NIBAN1: variants seen among roughly 807,000 people sequenced by gnomAD.
NIBAN1 encodes protein Niban 1.
NIBAN1 carries 81 observed loss-of-function variants against 75.1 expected under a neutral mutation model. The observed-to-expected ratio is 1.08, with a 90% CI of 0.90 to 1.30. NIBAN1 has a LOEUF of 1.30. NIBAN1 is among the 50% of genes most tolerant of loss of function. The probability of loss-of-function intolerance (pLI) is 0.00; values close to 1 mark genes in which losing one functional copy is unlikely to be tolerated. For missense variants in NIBAN1, 1,133 were observed against 1,128.1 expected, an observed-to-expected ratio of 1.00 and a Z score of -0.06; for synonymous variants, 436 against 424.8, an observed-to-expected ratio of 1.03 and a Z score of -0.32.
chr1:184,942,671 G>A (rs1480843806), intron 1 of NIBAN1, among the ~76,000 whole-genome samples: 1 of 148,950 alleles, frequency 6.7e-6, no homozygotes, highest in East Asian at 2.0e-4. Flanking sequence ...TCCGGCCTGG[G>A]CGACAGAGCG....
chr1:184,806,762 CTT>C lies in NIBAN1; in HGVS notation c.1336-708_1336-707del, dbSNP rs397863517. Among the ~76,000 whole-genome samples, 170 of 131,174 alleles carry C rather than the reference CTT, an allele frequency of 1.3e-3. 1 individual carries two copies. In the East Asian group the frequency reaches 0.02, roughly 15 times the overall value. The allele number at this position is 131,174 out of a possible 152,430, so 86.1% of individuals were successfully genotyped here. ...TGGTCCCAAAGCATCCAATATATAC[CTT>C]TTTTTTTTTTTTTTTTTTTGAGACA... is the stretch of plus-strand genomic sequence containing the variant. On this transcript the variant is annotated intron_variant, in intron 10 of 13. Transcript: ENST00000367511.
intron 5 of NIBAN1, among the ~76,000 whole-genome samples, chr1:184,872,504 G>A (rs1042481980): frequency 3.9e-5 from 6 of 152,206 alleles, no homozygotes; most frequent in Middle Eastern, 3.4e-3. Flanking sequence ...TTAGGAGTTC[G>A]AGACCAGCCT....
At chr1:184,900,063 G>A (rs529476764) in intron 1 of NIBAN1, among the ~76,000 whole-genome samples, 14 of 152,080 alleles carry the variant, frequency 9.2e-5, no homozygotes, top group South Asian at 4.1e-4. Context: ...TGATCTGCCC[G>A]CCTCGGCCTC....
At position 184,862,219 on chromosome 1, in the gene NIBAN1, C is replaced by T. The variant is rs377133574; in HGVS notation, c.601+22414G>A. Reference sequence around the variant, plus strand: ...GCCCGGTTAACAGCAGCCACTGTCCCGTGATGGAAGTGGCTAGCTAACACT... The same window carrying T: ...GCCCGGTTAACAGCAGCCACTGTCCTGTGATGGAAGTGGCTAGCTAACACT... On this transcript the variant is annotated intron_variant, in intron 5 of 13. Coordinates refer to ENST00000367511, the MANE Select transcript of NIBAN1 (RefSeq NM_052966.4). Among the ~76,000 whole-genome samples the T allele has an allele frequency of 3.9e-5, 6 of 152,276 alleles. No homozygotes were observed. In the South Asian group the frequency reaches 1.0e-3, roughly 26 times the overall value.
rs1654188564 is a variant in NIBAN1, at chr1:184,806,045, A to G, written c.1347T>C (p.Asn449=). 6.2e-7 allele frequency: 1 copy of G among 1,613,738 alleles called. No individual in the cohort carries two copies. The highest frequency in any genetic ancestry group is 1.1e-5 in the South Asian group (1 of 91,080). Residue 449 remains asparagine, a synonymous_variant, in exon 11 of 14, where the codon AAT becomes AAC. Transcript: ENST00000367511. ...TQNYMQELME[N]AVFTFEQLLS... ...GCAACTGCTCAAAAGTGAACACTGC[A>G]TTCTCCATTAGCTAGAAACCAGAAG... is the stretch of plus-strand genomic sequence containing the variant.
intron 12 of NIBAN1, among the ~76,000 whole-genome samples, chr1:184,802,137 A>T (rs1654062575): frequency 6.6e-6 from 1 of 152,212 alleles, no homozygotes. Flanking sequence ...TAATCCCCTC[A>T]TTCATCTATT....
At position 184,791,248 on chromosome 1, in the gene NIBAN1, T is replaced by G. The variant is rs1653688904; in HGVS notation, c.*3729A>C. 3.5e-6 allele frequency: 1 copy of G among 289,244 alleles called. No homozygotes were observed. The highest frequency in any genetic ancestry group is 3.0e-5 in the South Asian group (1 of 33,692). The allele number at this position is 289,244 out of a possible 1,614,324, so 17.9% of individuals were successfully genotyped here. ...ACATGTTGCCAACTGTTGCACCGAC[T>G]GATACTATTATTAAGTCAATGATGT... On this transcript the variant is annotated 3_prime_UTR_variant, in exon 14 of 14. Transcript: ENST00000367511.
intron 9 of NIBAN1, among the ~76,000 whole-genome samples, chr1:184,817,738 C>T (rs1654578882): frequency 6.6e-6 from 1 of 152,140 alleles, no homozygotes; most frequent in Non-Finnish European, 1.5e-5. Flanking sequence ...CTAACTATGG[C>T]CTAAGAAGGA....
chr1:184,887,082 C>A (rs900346012), intron 4 of NIBAN1, among the ~76,000 whole-genome samples: 4 of 152,162 alleles, frequency 2.6e-5, no homozygotes, highest in African/African-American at 9.7e-5. Flanking sequence ...GATCATGCCA[C>A]TGCACTCCAG....
intron 1 of NIBAN1, among the ~76,000 whole-genome samples, chr1:184,914,137 C>CTT (rs1657319407): frequency 6.6e-6 from 1 of 152,334 alleles, no homozygotes; most frequent in African/African-American, 2.4e-5. Flanking sequence ...CAAAGCTGGA[C>CTT]TTACAGTGGC....
At chr1:184,884,215 C>CTTTTTTT in intron 5 of NIBAN1, among the ~76,000 whole-genome samples, 1 of 66,800 alleles carries the variant, frequency 1.5e-5, no homozygotes, top group Non-Finnish European at 2.6e-5. Flanking sequence ...ATCTGTGGCT[C>CTTTTTTT]TTTTTTTTTT....
At position 184,794,990 on chromosome 1, in the gene NIBAN1, G is replaced by A. The variant is rs1571462626; in HGVS notation, c.2774C>T (p.Pro925Leu). The change falls in exon 14 of 14, where the codon CCC becomes CTC. Residue 925 changes from proline (P) to leucine (L), a missense_variant. Coordinates refer to ENST00000367511, the MANE Select transcript of NIBAN1 (RefSeq NM_052966.4). ...AAATTGTCCCTTTCACTCCTCTGAG[G>A]GCAGCTCTGGGAAACTCTCCTGACC... ...EGGQESFPEL[P>L]SEE 2 of 1,610,324 alleles carry A rather than the reference G, an allele frequency of 1.2e-6. No individual in the cohort carries two copies. The highest frequency in any genetic ancestry group is 2.2e-5 in the South Asian group (2 of 91,086).
At chr1:184,908,445 A>T (rs1362908896) in intron 1 of NIBAN1, among the ~76,000 whole-genome samples, 1 of 152,210 alleles carries the variant, frequency 6.6e-6, no homozygotes, top group Non-Finnish European at 1.5e-5. Context: ...CAGAGAGGAA[A>T]AAACACACTA....
At chr1:184,907,432 G>A (rs1190647132) in intron 1 of NIBAN1, among the ~76,000 whole-genome samples, 1 of 152,084 alleles carries the variant, frequency 6.6e-6, no homozygotes, top group Non-Finnish European at 1.5e-5. Context: ...TGAGAAATAA[G>A]ACAAATGGTT....
At chr1:184,875,489 C>T (rs1269601356) in intron 5 of NIBAN1, among the ~76,000 whole-genome samples, 2 of 152,136 alleles carry the variant, frequency 1.3e-5, no homozygotes, top group Admixed American at 6.5e-5. Flanking sequence ...TCCAGAGGGA[C>T]GCTCATGTAT....
chr1:184,911,750 G>A (rs1417220010), intron 1 of NIBAN1, among the ~76,000 whole-genome samples: 1 of 152,138 alleles, frequency 6.6e-6, no homozygotes, highest in African/African-American at 2.4e-5. Context: ...AACTTTATAT[G>A]AGCCAAGAGA....
chr1:184,961,838 T>C (rs1398243510), intron 1 of NIBAN1, among the ~76,000 whole-genome samples: 3 of 152,256 alleles, frequency 2.0e-5, no homozygotes, highest in African/African-American at 7.2e-5. Context: ...ACTCAAAGAA[T>C]AGACAGATCT....
At chr1:184,920,948 G>A (rs147325353) in intron 1 of NIBAN1, among the ~76,000 whole-genome samples, 1 of 152,200 alleles carries the variant, frequency 6.6e-6, no homozygotes, top group Non-Finnish European at 1.5e-5. Context: ...TGACCAGCAT[G>A]GTGAAACCCC....
chr1:184,831,990 CAAGATAAAACACTCT>C, intron 5 of NIBAN1, 28 bp from the exon 6 acceptor site: 3 of 1,510,286 alleles, frequency 2.0e-6, no homozygotes, highest in Non-Finnish European at 2.8e-6. Context: ...GGGCATTCAG[CAAGATAAAACACTCT>C]AGATTTCCCC....
Sources: gnomAD v4.1 joint callset for allele counts (sites outside exome capture counted in the v4.1 genomes callset) on GRCh38, gnomAD v4.1.1 for gene constraint, MANE v1.5 for transcripts, NCBI Gene and HGNC (gene_info 2026-07-23, HGNC 2026-07-21) for gene names.